CACNA1H: variants seen among roughly 807,000 people sequenced by gnomAD.
The protein encoded by CACNA1H is calcium voltage-gated channel subunit alpha1 H.
Under a neutral mutation model 192.5 loss-of-function variants are expected in CACNA1H, and 149 were observed. That is an observed-to-expected ratio of 0.77 (90% CI 0.68 to 0.89). CACNA1H has a LOEUF of 0.89. Among genes scored for constraint, CACNA1H ranks in the 40% least tolerant of loss-of-function variants. CACNA1H has a pLI of 0.00. For synonymous variants in CACNA1H, 2,202 were observed against 1,475.2 expected (o/e 1.49, Z -11.29); for missense variants, 4,257 against 3,423.5 (o/e 1.24, Z -6.08).
Position 1,207,361 on chromosome 16 carries a change from C to A in CACNA1H, c.2994C>A (p.Leu998=). 1 of 1,613,236 alleles carries A rather than the reference C, an allele frequency of 6.2e-7. No individual in the cohort carries two copies. Among genetic ancestry groups the A allele is most frequent in the Non-Finnish European group, 8.5e-7 (1 of 1,179,800 alleles). The stretch of plus-strand genomic sequence containing the variant: ...GGGCCGCCCTCTACTTCGTGGCCCT[C>A]ATGACCTTCGGCAACTATGTGCTCT... ...SSWAALYFVA[L]MTFGNYVLFN... The change falls in exon 14 of 35, where the codon CTC becomes CTA. Residue 998 remains leucine, a synonymous_variant. Coordinates refer to ENST00000348261, the MANE Select transcript of CACNA1H (RefSeq NM_021098.3).
chr16:1,199,071 G>A (rs1967388566), intron 6 of CACNA1H: 2 of 205,040 alleles, frequency 9.8e-6, no homozygotes, highest in South Asian at 3.8e-5. Flanking sequence ...CTGCACATAT[G>A]CCCCACCCCC....
chr16:1,204,192 G>A lies in CACNA1H; in HGVS notation c.2185G>A (p.Glu729Lys). The part of the protein sequence containing the change: ...SGDSDGRGVY[E>K]FTQDVRHGDR... ...AGACTCAGATGGCCGTGGCGTCTAT[G>A]AATTCACGCAGGACGTCCGGCACGG... The change falls in exon 10 of 35, where the codon GAA (glutamate) becomes AAA (lysine). Residue 729 changes from glutamate (E) to lysine (K), a missense_variant. By Grantham distance (56) the Glu-to-Lys change is moderately conservative. Coordinates refer to ENST00000348261, the MANE Select transcript of CACNA1H (RefSeq NM_021098.3). 1.2e-6 allele frequency: 2 copies of A among 1,612,312 alleles called. No individual in the cohort carries two copies. Among genetic ancestry groups the A allele is most frequent in the Non-Finnish European group, 8.5e-7 (1 of 1,179,682 alleles).
intron 2 of CACNA1H, among the ~76,000 whole-genome samples, chr16:1,178,558 A>G (rs1321909365): frequency 6.6e-6 from 1 of 152,138 alleles, no homozygotes; most frequent in Non-Finnish European, 1.5e-5. Flanking sequence ...CAGCCGCAGG[A>G]GGAGCCGGCC....
chr16:1,189,746 G>C (rs111728613), intron 2 of CACNA1H, among the ~76,000 whole-genome samples: 1,560 of 152,158 alleles, frequency 0.01, 34 homozygotes, highest in African/African-American at 0.035. Context: ...TATAGAGTGT[G>C]GGGCTGAGGG....
chr16:1,209,113 G>C lies in CACNA1H; in HGVS notation c.3445G>C (p.Gly1149Arg). The C allele has an allele frequency of 1.3e-6, 2 of 1,555,814 alleles. No individual in the cohort carries two copies. Among genetic ancestry groups the C allele is most frequent in the South Asian group, 2.4e-5 (2 of 84,386 alleles). ...SSRRSSWSSL[G>R]RAPSLKRRGQ... ...CCGGCGCTCCAGCTGGAGCAGCCTGGGCCGTGCCCCCAGCCTCAAGCGCCG... is the reference window on the plus strand; with the variant it reads ...CCGGCGCTCCAGCTGGAGCAGCCTGCGCCGTGCCCCCAGCCTCAAGCGCCG... The change falls in exon 17 of 35, where the codon GGC becomes CGC. Residue 1149 changes from glycine (G) to arginine (R), a missense_variant. Gly to Arg is a moderately radical substitution (Grantham distance 125). Transcript: ENST00000348261.
At chr16:1,194,747 T>C (rs1229311890) in intron 2 of CACNA1H, among the ~76,000 whole-genome samples, 1 of 151,844 alleles carries the variant, frequency 6.6e-6, no homozygotes, top group Admixed American at 6.5e-5. Context: ...GGGCCGGGCC[T>C]GGGACCCTCA....
At chr16:1,210,342 C>CCCCCA in intron 18 of CACNA1H, 28 bp from the exon 19 acceptor site, 7 of 999,076 alleles carry the variant, frequency 7.0e-6, no homozygotes, top group African/African-American at 1.6e-5. Context: ...CGCCCCGCCC[C>CCCCCA]ACCTCTCACC....
chr16:1,175,823 T>C (rs1461547954), intron 2 of CACNA1H, among the ~76,000 whole-genome samples: 2 of 152,164 alleles, frequency 1.3e-5, no homozygotes, highest in East Asian at 3.9e-4. Context: ...GGGCTGGGCT[T>C]GGGATGGTGC....
intron 2 of CACNA1H, among the ~76,000 whole-genome samples, chr16:1,181,333 C>T (rs1965443287): frequency 6.6e-6 from 1 of 152,272 alleles, no homozygotes; most frequent in Non-Finnish European, 1.5e-5. Flanking sequence ...GCCAGCCTGA[C>T]CAGGTGGCCC....
In CACNA1H at chr16:1,220,998, G is replaced by C. The variant is rs764487181; in HGVS notation, c.*4G>C. 5 of 1,560,276 alleles carry C rather than the reference G, an allele frequency of 3.2e-6. No individual in the cohort carries two copies. The Admixed American group carries it at 5.9e-5, about 18-fold the overall frequency. On this transcript the variant is annotated 3_prime_UTR_variant, in exon 35 of 35. Coordinates refer to ENST00000348261, the MANE Select transcript of CACNA1H (RefSeq NM_021098.3). ...TGGTGCAGATGACCCCGTGTAGCTC[G>C]GGGCTTGGTGCCGCCCACGGCTTTG... is the stretch of plus-strand genomic sequence containing the variant.
At chr16:1,156,005 C>A (rs1240104899) in intron 2 of CACNA1H, among the ~76,000 whole-genome samples, 2 of 152,116 alleles carry the variant, frequency 1.3e-5, no homozygotes, top group Non-Finnish European at 2.9e-5. Flanking sequence ...ATGGTGCTCT[C>A]AGCCTGGGAA....
Position 1,183,162 on chromosome 16 carries a change from G to C in CACNA1H, c.300-11810G>C, listed in dbSNP as rs534148718. Among the ~76,000 whole-genome samples, 9 of 152,088 alleles carry C rather than the reference G, an allele frequency of 5.9e-5. 1 individual carries two copies. The highest frequency in any genetic ancestry group is 2.2e-4 in the African/African-American group (9 of 41,508). On this transcript the variant is annotated intron_variant, in intron 2 of 34. Coordinates refer to ENST00000348261, the MANE Select transcript of CACNA1H (RefSeq NM_021098.3). ...GTTCTGTGTCAGGCATGGAGCCCTG[G>C]AACCCGGTACCCTCCACCCCCGTGC... is the stretch of plus-strand genomic sequence containing the variant.
chr16:1,198,510 C>G, intron 5 of CACNA1H, 105 bp from the exon 6 acceptor site: 1 of 1,260,648 alleles, frequency 7.9e-7, no homozygotes. Flanking sequence ...GCGTGGACAC[C>G]CACTGTGAAC....
intron 6 of CACNA1H, among the ~76,000 whole-genome samples, chr16:1,199,992 C>T (rs770071216): frequency 1.3e-5 from 2 of 152,138 alleles, no homozygotes; most frequent in Non-Finnish European, 2.9e-5. Context: ...TCTCTGTGGA[C>T]TTGGGCTGAG....
At chr16:1,187,679 G>A (rs1173076923) in intron 2 of CACNA1H, among the ~76,000 whole-genome samples, 1 of 152,204 alleles carries the variant, frequency 6.6e-6, no homozygotes, top group Non-Finnish European at 1.5e-5. Context: ...ATCCCTGGAG[G>A]CCACAGCCCT....
intron 2 of CACNA1H, among the ~76,000 whole-genome samples, chr16:1,162,485 C>T (rs1376215197): frequency 6.6e-6 from 1 of 152,206 alleles, no homozygotes; most frequent in Non-Finnish European, 1.5e-5. Context: ...TGTCAGGCTC[C>T]TCCGATGAGG....
intron 27 of CACNA1H, among the ~76,000 whole-genome samples, chr16:1,214,345 C>T (rs933743699): frequency 8.5e-5 from 13 of 152,242 alleles, no homozygotes; most frequent in African/African-American, 2.2e-4. Flanking sequence ...AAGGAGGTAG[C>T]CTCTGGGTAG....
At chr16:1,216,898 C>A in intron 30 of CACNA1H, 34 bp from the exon 31 acceptor site, 1 of 1,562,252 alleles carries the variant, frequency 6.4e-7, no homozygotes. Flanking sequence ...CCCTGCCCGC[C>A]CGTCTGACCC....
intron 2 of CACNA1H, among the ~76,000 whole-genome samples, chr16:1,186,552 G>A (rs1003998265): frequency 4.6e-5 from 7 of 152,068 alleles, no homozygotes; most frequent in African/African-American, 1.4e-4. Flanking sequence ...CCCTGGGAAC[G>A]TCTCTGTACC....
Sources: gnomAD v4.1 joint callset for allele counts (sites outside exome capture counted in the v4.1 genomes callset) on GRCh38, gnomAD v4.1.1 for gene constraint, MANE v1.5 for transcripts, NCBI Gene and HGNC (gene_info 2026-07-23, HGNC 2026-07-21) for gene names.